The following RORA variants were observed in gnomAD, a reference collection of about 807,000 sequenced individuals.
The protein encoded by RORA is nuclear receptor ROR-alpha.
RORA carries 7 observed loss-of-function variants against 69.5 expected under a neutral mutation model. The observed-to-expected ratio is 0.10, with a 90% CI of 0.06 to 0.19. The LOEUF (loss-of-function observed/expected upper bound fraction) is 0.19. RORA is among the 10% of genes least tolerant of loss of function. The pLI is 1.00. For synonymous variants in RORA, 261 were observed against 240.8 expected (o/e 1.08, Z -0.78); for missense variants, 457 against 663.0 (o/e 0.69, Z 3.41).
chr15:60,882,666 CACACAA>C (rs1209861281), intron 1 of RORA, among the ~76,000 whole-genome samples: 1 of 131,274 alleles, frequency 7.6e-6, no homozygotes, highest in African/African-American at 2.8e-5. Flanking sequence ...CACACACACA[CACACAA>C]ACACACACAC....
At chr15:60,729,867 C>G (rs1028535404) in intron 1 of RORA, among the ~76,000 whole-genome samples, 1 of 152,230 alleles carries the variant, frequency 6.6e-6, no homozygotes, top group Non-Finnish European at 1.5e-5. Flanking sequence ...TCTTACCTCT[C>G]TGCTTTAAGG....
At chr15:60,530,520 G>A (rs898172973) in intron 3 of RORA, 1 of 152,220 alleles carries the variant, frequency 6.6e-6, no homozygotes, top group African/African-American at 2.4e-5. Flanking sequence ...GATTTTGGAA[G>A]TAAAGGGCAT....
At chr15:60,514,492 G>A (rs1020669242) in intron 4 of RORA, 124 bp downstream of exon 4, 36 of 866,788 alleles carry the variant, frequency 4.2e-5, no homozygotes, top group Non-Finnish European at 3.3e-5. Context: ...CATGGGGGGC[G>A]GGGCGTAAGG....
chr15:60,829,741 G>A (rs1199187556), intron 1 of RORA, among the ~76,000 whole-genome samples: 3 of 152,174 alleles, frequency 2.0e-5, no homozygotes, highest in East Asian at 3.8e-4. Context: ...AGAAAACTCC[G>A]GAATAAAAGG....
chr15:60,907,065 C>T (rs1177873416), intron 1 of RORA, among the ~76,000 whole-genome samples: 2 of 152,150 alleles, frequency 1.3e-5, no homozygotes, highest in South Asian at 4.1e-4. Context: ...CTCTGAGGCT[C>T]GTTCTGACAC....
intron 1 of RORA, among the ~76,000 whole-genome samples, chr15:61,087,297 T>C (rs1010246571): frequency 1.3e-5 from 2 of 152,238 alleles, no homozygotes; most frequent in Non-Finnish European, 2.9e-5. Flanking sequence ...ATGTGATGTA[T>C]AACATGTATA....
intron 1 of RORA, among the ~76,000 whole-genome samples, chr15:61,107,790 T>C (rs2078965914): frequency 2.0e-5 from 3 of 151,942 alleles, no homozygotes; most frequent in Admixed American, 2.0e-4. Context: ...TCTCCCTTAT[T>C]GCAATTTAAC....
At chr15:60,795,152 G>A (rs773374096) in intron 1 of RORA, among the ~76,000 whole-genome samples, 10 of 152,100 alleles carry the variant, frequency 6.6e-5, no homozygotes, top group Admixed American at 2.6e-4. Context: ...CTCAGGAACC[G>A]GGAAAAAGAG....
chr15:60,786,206 T>C (rs540378458), intron 1 of RORA, among the ~76,000 whole-genome samples: 6 of 152,294 alleles, frequency 3.9e-5, no homozygotes, highest in Admixed American at 6.5e-5. Flanking sequence ...GTGCTCTGGA[T>C]AGGATGTTCT....
chr15:61,168,875 T>C (rs972138746), intron 1 of RORA, among the ~76,000 whole-genome samples: 3 of 152,202 alleles, frequency 2.0e-5, no homozygotes, highest in Non-Finnish European at 1.5e-5. Flanking sequence ...CCAAAGTCTC[T>C]GACAGCCTAA....
intron 1 of RORA, among the ~76,000 whole-genome samples, chr15:60,752,614 TC>T (rs916377222): frequency 6.8e-6 from 1 of 147,400 alleles, no homozygotes; most frequent in African/African-American, 2.5e-5. Context: ...CTCAAATTGC[TC>T]CCCCCACCCC....
intron 1 of RORA, among the ~76,000 whole-genome samples, chr15:61,009,047 C>T (rs1453644098): frequency 6.6e-6 from 1 of 152,162 alleles, no homozygotes; most frequent in Admixed American, 6.5e-5. Flanking sequence ...AGACACCTTG[C>T]CTACTGCTTC....
chr15:61,133,817 C>T (rs2079213374), intron 1 of RORA, among the ~76,000 whole-genome samples: 1 of 152,178 alleles, frequency 6.6e-6, no homozygotes, highest in African/African-American at 2.4e-5. Context: ...CACCCCCTTA[C>T]CTTTTCTAAC....
At position 60,936,593 on chromosome 15, in the gene RORA, T is replaced by C. The variant is rs1477444131; in HGVS notation, c.167-257907A>G. Among the ~76,000 whole-genome samples the C allele has an allele frequency of 9.5e-5, 14 of 147,816 alleles. No homozygotes were observed. The Admixed American group carries it at 9.6e-4, about 10-fold the overall frequency. ...CCCCCAAACGGGGATCACAGTGCTC[T>C]ATCCACCCCTGAGAGCAACTGTGTG... On this transcript the variant is annotated intron_variant, in intron 1 of 10. Coordinates refer to ENST00000335670, the MANE Select transcript of RORA (RefSeq NM_134261.3).
At chr15:60,945,560 G>A (rs971150765) in intron 1 of RORA, among the ~76,000 whole-genome samples, 7 of 152,066 alleles carry the variant, frequency 4.6e-5, no homozygotes, top group Non-Finnish European at 7.4e-5. Flanking sequence ...GGAGGAAAAC[G>A]GCTCTTTCTC....
rs907238491 is a variant in RORA, at chr15:60,617,510, G to A, written c.196+61147C>T. ...GAACATCCTATCCATAGACTCCCCC[G>A]GAGGGACTGCCTGCAGAACTGTCAT... On this transcript the variant is annotated intron_variant, in intron 2 of 10. Transcript: ENST00000335670. Among the ~76,000 whole-genome samples the A allele has an allele frequency of 1.4e-4, 21 of 152,254 alleles. No individual in the cohort carries two copies. In the East Asian group the frequency reaches 2.5e-3, roughly 18 times the overall value.
rs1394109186 is a variant in RORA, at chr15:60,495,116, A to T, written c.*2339T>A. On this transcript the variant is annotated 3_prime_UTR_variant, in exon 11 of 11. Transcript: ENST00000335670. Reference sequence around the variant, plus strand: ...AAACAAAACCAAAACCAAAAAACTAAAACACAAAACTCAAACAAAAACAAA... The same window carrying T: ...AAACAAAACCAAAACCAAAAAACTATAACACAAAACTCAAACAAAAACAAA... The T allele has an allele frequency of 1.3e-5, 2 of 152,236 alleles. No individual in the cohort carries two copies. The highest frequency in any genetic ancestry group is 2.9e-5 in the Non-Finnish European group (2 of 68,054). 9.4% of individuals were successfully genotyped at this position (152,236 alleles called of 1,614,324 possible).
intron 1 of RORA, among the ~76,000 whole-genome samples, chr15:61,210,004 A>C (rs1467263546): frequency 2.0e-5 from 3 of 152,210 alleles, no homozygotes; most frequent in Admixed American, 2.0e-4. Flanking sequence ...TCTAAAATGT[A>C]CTTCAGCCTT....
chr15:61,177,557 C>T (rs920232878), intron 1 of RORA, among the ~76,000 whole-genome samples: 1 of 151,994 alleles, frequency 6.6e-6, no homozygotes, highest in African/African-American at 2.4e-5. Context: ...ACTGTTCGTG[C>T]GTTTTAATGG....
Sources: gnomAD v4.1 joint callset for allele counts (sites outside exome capture counted in the v4.1 genomes callset) on GRCh38, gnomAD v4.1.1 for gene constraint, MANE v1.5 for transcripts, NCBI Gene and HGNC (gene_info 2026-07-23, HGNC 2026-07-21) for gene names.